AP3B1: variants seen among roughly 807,000 people sequenced by gnomAD.
AP3B1 encodes the protein adaptor related protein complex 3 subunit beta 1.
AP3B1 carries 61 observed loss-of-function variants against 132.5 expected under a neutral mutation model. The ratio of observed to expected loss-of-function variants is 0.46; its 90% CI spans 0.37 to 0.57. AP3B1 has a LOEUF of 0.57. AP3B1 is among the 20% of genes least tolerant of loss of function. The pLI is 0.00. For missense variants in AP3B1, 1,120 were observed against 1,289.4 expected (o/e 0.87, Z 2.01); for synonymous variants, 388 against 438.3 (o/e 0.89, Z 1.43).
chr5:78,096,246 C>T (rs556826296), intron 21 of AP3B1, among the ~76,000 whole-genome samples: 23 of 152,332 alleles, frequency 1.5e-4, no homozygotes, highest in Non-Finnish European at 3.1e-4. Flanking sequence ...CTCCTAACCG[C>T]GAGTGATCCG....
At chr5:78,139,931 CAAAG>C (rs747405116) in intron 15 of AP3B1, among the ~76,000 whole-genome samples, 64 of 151,468 alleles carry the variant, frequency 4.2e-4, no homozygotes, top group Admixed American at 7.2e-4. Context: ...GGGACAAAAA[CAAAG>C]AGAGGGGAGG....
chr5:78,168,030 A>G (rs1220630804), intron 11 of AP3B1, among the ~76,000 whole-genome samples: 1 of 149,862 alleles, frequency 6.7e-6, no homozygotes, highest in Admixed American at 6.7e-5. Context: ...AAAAAAAAAC[A>G]AAAAAAATAA....
chr5:78,157,467 G>A (rs888749609), intron 13 of AP3B1, among the ~76,000 whole-genome samples: 4 of 152,104 alleles, frequency 2.6e-5, no homozygotes, highest in Non-Finnish European at 5.9e-5. Flanking sequence ...CTGGGATTAC[G>A]GGATTTAGTT....
intron 17 of AP3B1, among the ~76,000 whole-genome samples, chr5:78,127,100 A>C (rs1369832627): frequency 6.6e-6 from 1 of 152,218 alleles, no homozygotes; most frequent in African/African-American, 2.4e-5. Flanking sequence ...CAGAGGAATC[A>C]AATTACATGG....
intron 5 of AP3B1, among the ~76,000 whole-genome samples, chr5:78,226,787 CA>C (rs1420268656): frequency 6.6e-6 from 1 of 152,030 alleles, no homozygotes; most frequent in African/African-American, 2.4e-5. Flanking sequence ...TCTATTTGGA[CA>C]GTAAATTTTC....
At chr5:78,191,138 T>G (rs1042565573) in intron 7 of AP3B1, among the ~76,000 whole-genome samples, 1 of 151,926 alleles carries the variant, frequency 6.6e-6, no homozygotes, top group Admixed American at 6.6e-5. Context: ...ACACATAATA[T>G]AAGATTATAT....
chr5:78,030,750 CACTGGAGCCTTGA>C (rs1331329849), intron 24 of AP3B1, among the ~76,000 whole-genome samples: 1 of 152,152 alleles, frequency 6.6e-6, no homozygotes, highest in Non-Finnish European at 1.5e-5. Flanking sequence ...AATCATAGCT[CACTGGAGCCTTGA>C]ACTCCTGGGT....
chr5:78,078,890 A>G (rs965765419), intron 22 of AP3B1, among the ~76,000 whole-genome samples: 3 of 152,250 alleles, frequency 2.0e-5, no homozygotes, highest in African/African-American at 7.2e-5. Context: ...GTTAGAATGC[A>G]AATATCTAGA....
intron 6 of AP3B1, among the ~76,000 whole-genome samples, chr5:78,217,306 C>T (rs566370148): frequency 6.6e-6 from 1 of 152,210 alleles, no homozygotes; most frequent in South Asian, 2.1e-4. Context: ...GAAAACAGCT[C>T]AGAATATAGA....
At chr5:78,163,535 ATTTTCT>A (rs1298066210) in intron 12 of AP3B1, among the ~76,000 whole-genome samples, 1 of 151,270 alleles carries the variant, frequency 6.6e-6, no homozygotes, top group African/African-American at 2.4e-5. Context: ...TTTGAAATAG[ATTTTCT>A]TTAAAAGTAT....
At chr5:78,251,022 G>C (rs1472666624) in intron 2 of AP3B1, among the ~76,000 whole-genome samples, 1 of 152,152 alleles carries the variant, frequency 6.6e-6, no homozygotes, top group African/African-American at 2.4e-5. Context: ...GGAAGGCTAA[G>C]AGAGAACTGG....
In AP3B1 at chr5:78,060,161, C is replaced by T. The variant is rs1276494805; in HGVS notation, c.2578-20887G>A. Among the ~76,000 whole-genome samples, 6 of 152,032 alleles carry T rather than the reference C, an allele frequency of 3.9e-5. No homozygotes were observed. In the East Asian group the frequency reaches 1.2e-3, roughly 29 times the overall value. The stretch of plus-strand genomic sequence containing the variant: ...GAGTTACCTCTCTCTAAAATAAGCA[C>T]AATACAAAAAGTCAGATGTTTATAA... On this transcript the variant is annotated intron_variant, in intron 22 of 26. Transcript: ENST00000255194.
intron 2 of AP3B1, among the ~76,000 whole-genome samples, chr5:78,242,535 T>C (rs765995180): frequency 6.6e-6 from 1 of 152,068 alleles, no homozygotes; most frequent in Non-Finnish European, 1.5e-5. Flanking sequence ...GTCTCCCGAG[T>C]AGCTGGGATT....
At chr5:78,092,769 T>C (rs766761498) in intron 21 of AP3B1, among the ~76,000 whole-genome samples, 1 of 152,050 alleles carries the variant, frequency 6.6e-6, no homozygotes. Context: ...CGCCTCAGCC[T>C]CCTGAGTAGC....
At chr5:78,263,033 T>C (rs911001203) in intron 2 of AP3B1, among the ~76,000 whole-genome samples, 17 of 152,170 alleles carry the variant, frequency 1.1e-4, no homozygotes, top group Non-Finnish European at 2.4e-4. Flanking sequence ...ATATAAATTT[T>C]AGGATGAATT....
chr5:78,189,257 A>T (rs554805186), intron 7 of AP3B1, among the ~76,000 whole-genome samples: 35 of 152,218 alleles, frequency 2.3e-4, no homozygotes, highest in Middle Eastern at 3.4e-3. Flanking sequence ...TTAAAAAAAA[A>T]TTTTTAAACT....
chr5:78,105,051 A>G (rs979946157), intron 20 of AP3B1, among the ~76,000 whole-genome samples: 9 of 152,186 alleles, frequency 5.9e-5, no homozygotes, highest in African/African-American at 2.2e-4. Flanking sequence ...AATACTTAAT[A>G]TTTATTTCAC....
At chr5:78,154,856 G>A (rs765625436) in intron 14 of AP3B1, among the ~76,000 whole-genome samples, 1 of 151,998 alleles carries the variant, frequency 6.6e-6, no homozygotes, top group Non-Finnish European at 1.5e-5. Flanking sequence ...TTCCTTCTCT[G>A]TGTTATCTTG....
intron 7 of AP3B1, among the ~76,000 whole-genome samples, chr5:78,205,103 T>G (rs1424259309): frequency 1.5e-4 from 23 of 152,108 alleles, no homozygotes; most frequent in Admixed American, 1.5e-3. Context: ...AGTGAAAAAC[T>G]TGAAAATTTA....
Sources: allele counts gnomAD v4.1 joint callset (sites outside exome capture counted in the v4.1 genomes callset), GRCh38; gene constraint gnomAD v4.1.1; transcripts MANE v1.5; gene names NCBI Gene and HGNC (gene_info 2026-07-23, HGNC 2026-07-21).